The following IKZF2 variants were observed in gnomAD, a reference collection of about 807,000 sequenced individuals.
The protein encoded by IKZF2 is IKAROS family zinc finger 2.
Under a neutral mutation model 49.2 loss-of-function variants are expected in IKZF2, and 15 were observed. The observed-to-expected ratio is 0.30, with a 90% CI of 0.20 to 0.47. The LOEUF (loss-of-function observed/expected upper bound fraction) is 0.47, where lower values mean the gene tolerates loss of function less well. Among genes scored for constraint, IKZF2 ranks in the 20% least tolerant of loss-of-function variants. The pLI is 1.00. For synonymous variants in IKZF2, 227 were observed against 221.4 expected (o/e 1.03, Z -0.23); for missense variants, 567 against 664.6 (o/e 0.85, Z 1.61).
intron 4 of IKZF2, among the ~76,000 whole-genome samples, chr2:213,117,374 A>G (rs1279531102): frequency 6.6e-6 from 1 of 152,250 alleles, no homozygotes; most frequent in Non-Finnish European, 1.5e-5. Flanking sequence ...GATGTTCTTC[A>G]ACCCTTTAGG....
chr2:213,044,617 A>G (rs1249828097), intron 6 of IKZF2, among the ~76,000 whole-genome samples: 3 of 152,224 alleles, frequency 2.0e-5, no homozygotes, highest in African/African-American at 7.2e-5. Flanking sequence ...TAAAGCAGCA[A>G]TGGTAGTGTA....
intron 4 of IKZF2, among the ~76,000 whole-genome samples, chr2:213,118,116 G>C (rs1574906852): frequency 6.6e-6 from 1 of 152,230 alleles, no homozygotes; most frequent in East Asian, 1.9e-4. Context: ...TTTTTACTCT[G>C]TCTTCCAACA....
chr2:213,068,335 G>A (rs1384780722), intron 4 of IKZF2, among the ~76,000 whole-genome samples: 2 of 152,018 alleles, frequency 1.3e-5, no homozygotes, highest in Non-Finnish European at 2.9e-5. Flanking sequence ...ATTTAGCACT[G>A]AAGATCACAT....
chr2:213,075,740 T>A (rs929355536), intron 4 of IKZF2, among the ~76,000 whole-genome samples: 2 of 152,164 alleles, frequency 1.3e-5, no homozygotes, highest in African/African-American at 4.8e-5. Flanking sequence ...ACACCCAGTG[T>A]ATTTTAACCA....
intron 4 of IKZF2, among the ~76,000 whole-genome samples, chr2:213,111,040 T>C (rs1030866299): frequency 6.6e-6 from 1 of 152,018 alleles, no homozygotes; most frequent in South Asian, 2.1e-4. Flanking sequence ...AGTCATCATA[T>C]GAGTTGCAAA....
At chr2:213,126,796 C>G (rs544505846) in intron 4 of IKZF2, among the ~76,000 whole-genome samples, 10 of 152,160 alleles carry the variant, frequency 6.6e-5, no homozygotes, top group African/African-American at 2.4e-4. Flanking sequence ...AAAAACAAAG[C>G]AAAACACATT....
intron 4 of IKZF2, among the ~76,000 whole-genome samples, chr2:213,135,134 A>G (rs1181263829): frequency 2.6e-5 from 4 of 152,240 alleles, no homozygotes; most frequent in Non-Finnish European, 4.4e-5. Context: ...GGAATTTTAA[A>G]TTGATGAATA....
Position 213,007,702 on chromosome 2 carries a change from G to A in IKZF2, c.1239C>T (p.Ser413=). ...SCLDSTDSES[S]HDDHQSYQGH... ...CTTGGTAGGACTGGTGGTCATCATGGCTGCTTTCTGAGTCAGTGGAATCCA... is the reference window on the plus strand; with the variant it reads ...CTTGGTAGGACTGGTGGTCATCATGACTGCTTTCTGAGTCAGTGGAATCCA... The change falls in exon 9 of 9, where the codon AGC becomes AGT. Residue 413 remains serine (S), a synonymous_variant. Transcript: ENST00000434687. 1.2e-6 allele frequency: 2 copies of A among 1,613,720 alleles called. No individual in the cohort carries two copies. Among genetic ancestry groups the A allele is most frequent in the Non-Finnish European group, 1.7e-6 (2 of 1,179,746 alleles).
intron 4 of IKZF2, among the ~76,000 whole-genome samples, chr2:213,133,053 A>T (rs961426539): frequency 6.6e-6 from 1 of 152,236 alleles, no homozygotes; most frequent in Non-Finnish European, 1.5e-5. Flanking sequence ...ACTAATTTTT[A>T]AAATTATTGT....
chr2:213,080,665 T>C (rs956449783), intron 4 of IKZF2, among the ~76,000 whole-genome samples: 1 of 152,196 alleles, frequency 6.6e-6, no homozygotes, highest in African/African-American at 2.4e-5. Context: ...TAAATTTTCA[T>C]GTATCTAGTG....
chr2:213,027,117 T>C (rs1697898944), intron 6 of IKZF2, among the ~76,000 whole-genome samples: 2 of 152,120 alleles, frequency 1.3e-5, no homozygotes, highest in South Asian at 4.1e-4. Context: ...TATATTCATA[T>C]TTCTAAATAA....
chr2:213,119,776 T>C (rs1240103664), intron 4 of IKZF2, among the ~76,000 whole-genome samples: 1 of 152,132 alleles, frequency 6.6e-6, no homozygotes, highest in African/African-American at 2.4e-5. Context: ...CCCTACCACA[T>C]CCTGTGTGCA....
chr2:213,057,032 A>G lies in IKZF2; in HGVS notation c.207T>C (p.Asp69=). ...TACCCTCATCATGGCCCCTGATCTCATCTTCACGGCTCAGGGGTTTCCTGT... is the reference window on the plus strand; with the variant it reads ...TACCCTCATCATGGCCCCTGATCTCGTCTTCACGGCTCAGGGGTTTCCTGT... ...ECDRKPLSRE[D]EIRGHDEGSS... Residue 69 remains aspartate (D), a synonymous_variant, in exon 5 of 9, where the codon GAT becomes GAC. Coordinates refer to ENST00000434687, the MANE Select transcript of IKZF2 (RefSeq NM_001387220.1). The G allele has an allele frequency of 6.2e-7, 1 of 1,613,408 alleles. No homozygotes were observed. Among genetic ancestry groups the G allele is most frequent in the Non-Finnish European group, 8.5e-7 (1 of 1,179,518 alleles).
At chr2:213,091,915 T>C (rs185903727) in intron 4 of IKZF2, among the ~76,000 whole-genome samples, 1 of 152,062 alleles carries the variant, frequency 6.6e-6, no homozygotes, top group East Asian at 1.9e-4. Context: ...TGTGTGTGTG[T>C]ATGTGTGTGT....
Position 213,000,075 on chromosome 2 carries a change from CG to C in IKZF2, c.*7284del. 6.6e-6 allele frequency: 1 copy of C among 151,806 alleles called. No homozygotes were observed. The highest frequency in any genetic ancestry group is 1.5e-5 in the Non-Finnish European group (1 of 67,636). 9.4% of individuals were successfully genotyped at this position (151,806 alleles called of 1,614,324 possible). Reference sequence around the variant, plus strand: ...AGTCTGCAGTGATAAAACTATTTAGCGGAGGTCTCCAAATCAGTATGTAGTA... The same window carrying C: ...AGTCTGCAGTGATAAAACTATTTAGCGAGGTCTCCAAATCAGTATGTAGTA... On this transcript the variant is annotated 3_prime_UTR_variant, in exon 9 of 9. Coordinates refer to ENST00000434687, the MANE Select transcript of IKZF2 (RefSeq NM_001387220.1).
chr2:213,119,232 A>G (rs1257239161), intron 4 of IKZF2, among the ~76,000 whole-genome samples: 1 of 152,170 alleles, frequency 6.6e-6, no homozygotes, highest in Non-Finnish European at 1.5e-5. Flanking sequence ...GAAAAAAAGA[A>G]TAGTAAAAGG....
At chr2:213,101,956 T>C (rs1385614718) in intron 4 of IKZF2, among the ~76,000 whole-genome samples, 6 of 152,176 alleles carry the variant, frequency 3.9e-5, no homozygotes, top group Non-Finnish European at 7.3e-5. Flanking sequence ...CCATTTCAGA[T>C]AACTGATCCA....
intron 4 of IKZF2, among the ~76,000 whole-genome samples, chr2:213,112,867 TC>T (rs1453294655): frequency 6.6e-6 from 1 of 152,192 alleles, no homozygotes; most frequent in Non-Finnish European, 1.5e-5. Context: ...AATACTAGCA[TC>T]TACCTCATAG....
At chr2:213,032,698 T>C (rs1334429855) in intron 6 of IKZF2, among the ~76,000 whole-genome samples, 1 of 152,154 alleles carries the variant, frequency 6.6e-6, no homozygotes, top group Non-Finnish European at 1.5e-5. Context: ...CTACAGTCAG[T>C]TGTGATTGCA....
Sources: gnomAD v4.1 joint callset for allele counts (sites outside exome capture counted in the v4.1 genomes callset) on GRCh38, gnomAD v4.1.1 for gene constraint, MANE v1.5 for transcripts, NCBI Gene and HGNC (gene_info 2026-07-23, HGNC 2026-07-21) for gene names.